The following ANO1 variants were observed in gnomAD, a reference collection of about 807,000 sequenced individuals.
The protein encoded by ANO1 is anoctamin-1.
ANO1 carries 59 observed loss-of-function variants against 124.0 expected under a neutral mutation model. The observed-to-expected ratio is 0.48, with a 90% confidence interval of 0.39 to 0.59. ANO1 has a LOEUF of 0.59. ANO1 is among the 20% of genes least tolerant of loss of function. ANO1 has a pLI of 0.00. For synonymous variants in ANO1, 529 were observed against 532.0 expected (o/e 0.99, Z 0.08); for missense variants, 1,059 against 1,328.0 (o/e 0.80, Z 3.15).
chr11:70,092,979 T>C (rs2509156), intron 2 of ANO1, among the ~76,000 whole-genome samples: 148,011 of 151,234 alleles, frequency 0.98, 72,503 homozygotes, highest in South Asian at 1. Context: ...AGGCAGGGCC[T>C]TCCTTCTCTC....
At chr11:70,116,042 G>T (rs927269963) in intron 7 of ANO1, among the ~76,000 whole-genome samples, 3 of 152,206 alleles carry the variant, frequency 2.0e-5, no homozygotes, top group Non-Finnish European at 4.4e-5. Context: ...CTCTTGGGAT[G>T]CTCCACAGTG....
At chr11:70,157,366 CAAAAAAAAA>C (rs529445782) in intron 16 of ANO1, among the ~76,000 whole-genome samples, 1 of 98,112 alleles carries the variant, frequency 1.0e-5, no homozygotes, top group Non-Finnish European at 2.0e-5. Context: ...GACTCTGTCT[CAAAAAAAAA>C]AAAAAAAAAG....
intron 1 of ANO1, among the ~76,000 whole-genome samples, chr11:70,032,716 A>G (rs1456444078): frequency 6.6e-6 from 1 of 152,030 alleles, no homozygotes; most frequent in Non-Finnish European, 1.5e-5. Flanking sequence ...CGCTGATTTA[A>G]CCTCATCTGT....
chr11:70,117,180 C>T (rs2046016435), intron 8 of ANO1, among the ~76,000 whole-genome samples: 1 of 140,086 alleles, frequency 7.1e-6, no homozygotes, highest in Non-Finnish European at 1.5e-5. Flanking sequence ...AAGTGATTCT[C>T]CTGACTCAGC....
intron 2 of ANO1, among the ~76,000 whole-genome samples, chr11:70,100,890 C>T (rs4980766): frequency 0.12 from 18,427 of 152,196 alleles, 1,508 homozygotes; most frequent in Admixed American, 0.22. Context: ...ATGTGCAAAG[C>T]GGCTGCTCTG....
chr11:69,989,500 G>C (rs1455861467), intron 1 of ANO1, among the ~76,000 whole-genome samples: 2 of 152,122 alleles, frequency 1.3e-5, no homozygotes, highest in Non-Finnish European at 1.5e-5. Flanking sequence ...GGGAGGGAAA[G>C]AGGGAGCAGG....
At chr11:70,034,750 A>T (rs1857065190) in intron 1 of ANO1, among the ~76,000 whole-genome samples, 1 of 152,150 alleles carries the variant, frequency 6.6e-6, no homozygotes, top group Admixed American at 6.5e-5. Flanking sequence ...CCCCACATAA[A>T]GAAGCGCAAG....
intron 11 of ANO1, among the ~76,000 whole-genome samples, chr11:70,144,452 G>A (rs1772473380): frequency 6.6e-6 from 1 of 152,254 alleles, no homozygotes; most frequent in African/African-American, 2.4e-5. Flanking sequence ...CAGATGTGGA[G>A]ACTGAGGTTG....
At chr11:70,145,955 A>C (rs942405002) in intron 11 of ANO1, among the ~76,000 whole-genome samples, 7 of 151,766 alleles carry the variant, frequency 4.6e-5, no homozygotes, top group South Asian at 2.1e-4. Context: ...AAAAAAAAAA[A>C]AAAAAAAAAA....
At chr11:70,160,260 G>A (rs769228187) in intron 16 of ANO1, among the ~76,000 whole-genome samples, 1 of 152,132 alleles carries the variant, frequency 6.6e-6, no homozygotes, top group African/African-American at 2.4e-5. Context: ...ACGCCTGGGT[G>A]AGGAGCCTGG....
chr11:69,985,412 T>C (rs1856018385), upstream of ANO1, among the ~76,000 whole-genome samples: 1 of 152,006 alleles, frequency 6.6e-6, no homozygotes. Context: ...AACCTCCAGC[T>C]CTCCTTTCCA....
chr11:70,147,059 A>G (rs1256866409), intron 11 of ANO1, among the ~76,000 whole-genome samples: 1 of 152,238 alleles, frequency 6.6e-6, no homozygotes, highest in Non-Finnish European at 1.5e-5. Flanking sequence ...GTTGACACTC[A>G]ATACAAACCA....
At chr11:70,151,675 G>A (rs937962013) in intron 12 of ANO1, among the ~76,000 whole-genome samples, 1 of 152,136 alleles carries the variant, frequency 6.6e-6, no homozygotes, top group Non-Finnish European at 1.5e-5. Context: ...CAAGGAGCCC[G>A]AATGAATTTC....
At chr11:70,002,750 T>C (rs1856409842) in intron 1 of ANO1, among the ~76,000 whole-genome samples, 1 of 152,304 alleles carries the variant, frequency 6.6e-6, no homozygotes, top group South Asian at 2.1e-4. Context: ...AAAGAAGTCA[T>C]GGGTGCCGTC....
intron 1 of ANO1, among the ~76,000 whole-genome samples, chr11:69,991,797 G>T (rs1554997530): frequency 6.6e-6 from 1 of 152,238 alleles, no homozygotes; most frequent in African/African-American, 2.4e-5. Flanking sequence ...ATACAGTGTA[G>T]CTATAGCCCT....
rs533421361 is a variant in ANO1, at chr11:70,169,198, C to G, written c.2198-1689C>G. On this transcript the variant is annotated intron_variant, in intron 21 of 25. Transcript: ENST00000355303. ...TTCCCTGGATTTATTTTCCTAGTGG[C>G]TGGACATCACGTCCCGAGTTCCTGA... Among the ~76,000 whole-genome samples, 5 of 152,284 alleles carry G rather than the reference C, an allele frequency of 3.3e-5. No individual in the cohort carries two copies. In the South Asian group the frequency reaches 1.0e-3, roughly 32 times the overall value.
the ANO1 span, among the ~76,000 whole-genome samples, chr11:69,969,408 A>C: frequency 6.6e-6 from 1 of 152,112 alleles, no homozygotes; most frequent in East Asian, 1.9e-4. Flanking sequence ...TCTCTTCTGG[A>C]AAAATGGGAA....
the ANO1 span, among the ~76,000 whole-genome samples, chr11:69,972,728 G>A: frequency 6.6e-6 from 1 of 151,938 alleles, no homozygotes; most frequent in Non-Finnish European, 1.5e-5. Flanking sequence ...CAGAGAGTTC[G>A]GCATGTTGTA....
rs371250706 is a variant in ANO1 at position 70,176,139 on chromosome 11, G to GTATATATATATA, written c.2351-3862_2351-3851dup. Among the ~76,000 whole-genome samples the GTATATATATATA allele has an allele frequency of 9.9e-4, 145 of 146,524 alleles. 1 individual carries two copies. Among genetic ancestry groups the GTATATATATATA allele is most frequent in the African/African-American group, 3.4e-3 (133 of 39,242 alleles). On this transcript the variant is annotated intron_variant, in intron 22 of 25. Coordinates refer to ENST00000355303, the MANE Select transcript of ANO1 (RefSeq NM_018043.7). ...GGACAGGGCGACTTCCAGATTATGG[G>GTATATATATATA]TATATATATATATACACTTTTTTTT...
Sources: gnomAD v4.1 joint callset for allele counts (sites outside exome capture counted in the v4.1 genomes callset) on GRCh38, gnomAD v4.1.1 for gene constraint, MANE v1.5 for transcripts, NCBI Gene and HGNC (gene_info 2026-07-23, HGNC 2026-07-21) for gene names.